The following LARGE1 variants were observed in gnomAD, a reference collection of about 807,000 sequenced individuals.
LARGE1 encodes the protein LARGE xylosyl- and glucuronyltransferase 1.
Under a neutral mutation model 87.6 loss-of-function variants are expected in LARGE1, and 43 were observed. The observed-to-expected ratio is 0.49, with a 90% CI of 0.38 to 0.63. The LOEUF is 0.63. Ranked by LOEUF, LARGE1 falls within the 30% of genes least tolerant of loss-of-function variation. The pLI is 0.00. For missense variants in LARGE1, 802 were observed against 1,000.2 expected (o/e 0.80, Z 2.67); for synonymous variants, 434 against 394.6 (o/e 1.10, Z -1.18).
intron 11 of LARGE1, among the ~76,000 whole-genome samples, chr22:33,248,487 C>G (rs1024922325): frequency 6.6e-6 from 1 of 152,176 alleles, no homozygotes; most frequent in Admixed American, 6.5e-5. Flanking sequence ...TGAGCCAACA[C>G]GTGAGCCACG....
chr22:33,428,142 T>C (rs555246543), intron 7 of LARGE1, among the ~76,000 whole-genome samples: 1 of 152,254 alleles, frequency 6.6e-6, no homozygotes, highest in African/African-American at 2.4e-5. Context: ...GTCAATCACA[T>C]AACCTCCTTT....
intron 6 of LARGE1, among the ~76,000 whole-genome samples, chr22:33,457,454 G>A (rs1309553731): frequency 6.6e-6 from 1 of 151,646 alleles, no homozygotes; most frequent in Non-Finnish European, 1.5e-5. Flanking sequence ...ACCAAGCCCG[G>A]CCTAATTTGT....
intron 1 of LARGE1, among the ~76,000 whole-genome samples, chr22:33,818,454 AAAG>A (rs2086722146): frequency 6.6e-6 from 1 of 152,174 alleles, no homozygotes; most frequent in South Asian, 2.1e-4. Flanking sequence ...AAGAGGGAGA[AAAG>A]AGGAGGGGAG....
intron 5 of LARGE1, among the ~76,000 whole-genome samples, chr22:33,588,196 G>A (rs567064914): frequency 1.4e-4 from 22 of 152,308 alleles, no homozygotes; most frequent in Middle Eastern, 3.4e-3. Flanking sequence ...GTCCATCCAC[G>A]TAGGCTCCAC....
intron 10 of LARGE1, among the ~76,000 whole-genome samples, chr22:33,332,794 G>A (rs1937903191): frequency 6.6e-6 from 1 of 152,092 alleles, no homozygotes; most frequent in African/African-American, 2.4e-5. Context: ...CTCTCTCTTT[G>A]CCCCAGCTCC....
At chr22:33,378,402 C>T (rs149744738) in intron 9 of LARGE1, among the ~76,000 whole-genome samples, 241 of 152,222 alleles carry the variant, frequency 1.6e-3, no homozygotes, top group Non-Finnish European at 2.2e-3. Context: ...ACTGTTTATC[C>T]GCTGAGGATA....
At chr22:33,402,300 A>G (rs545232807) in intron 7 of LARGE1, among the ~76,000 whole-genome samples, 26 of 152,336 alleles carry the variant, frequency 1.7e-4, no homozygotes, top group African/African-American at 5.8e-4. Context: ...TCTTCATTTT[A>G]TAGATGAGGA....
At chr22:33,075,101 C>T in the LARGE1 span, among the ~76,000 whole-genome samples, 1 of 152,188 alleles carries the variant, frequency 6.6e-6, no homozygotes, top group Non-Finnish European at 1.5e-5. Context: ...CATTATGCAA[C>T]ACCTGCTTCT....
At chr22:33,253,819 C>A (rs957585133) in intron 11 of LARGE1, among the ~76,000 whole-genome samples, 11 of 151,988 alleles carry the variant, frequency 7.2e-5, no homozygotes, top group Non-Finnish European at 1.0e-4. Context: ...GCCTGGCTGG[C>A]ATACTTTGCC....
chr22:33,101,758 G>C, the LARGE1 span, among the ~76,000 whole-genome samples: 2 of 152,124 alleles, frequency 1.3e-5, no homozygotes, highest in African/African-American at 4.8e-5. Context: ...TAACCAGGCA[G>C]ATAAGGTACC....
chr22:33,885,666 C>T (rs1264377782), intron 1 of LARGE1, among the ~76,000 whole-genome samples: 2 of 152,146 alleles, frequency 1.3e-5, no homozygotes, highest in Non-Finnish European at 2.9e-5. Context: ...AGCTACCCTC[C>T]GGGAGATGAA....
chr22:33,306,416 GGAA>G (rs1934938175), intron 11 of LARGE1, among the ~76,000 whole-genome samples: 1 of 152,156 alleles, frequency 6.6e-6, no homozygotes, highest in African/African-American at 2.4e-5. Flanking sequence ...GGAAGTGGGC[GGAA>G]GGAGGGAGGT....
intron 2 of LARGE1, among the ~76,000 whole-genome samples, chr22:33,656,092 C>G (rs1393854810): frequency 3.3e-5 from 5 of 151,516 alleles, no homozygotes; most frequent in Non-Finnish European, 5.9e-5. Flanking sequence ...TGTACACACA[C>G]AAATATTACT....
chr22:33,108,014 G>A, the LARGE1 span, among the ~76,000 whole-genome samples: 91 of 152,094 alleles, frequency 6.0e-4, 1 homozygote, highest in East Asian at 9.8e-3. Flanking sequence ...AAAACAAATG[G>A]AAGACTGAAT....
chr22:33,408,704 T>C (rs944833797), intron 7 of LARGE1, among the ~76,000 whole-genome samples: 17 of 151,946 alleles, frequency 1.1e-4, no homozygotes, highest in Non-Finnish European at 2.9e-5. Context: ...TCTTTTTTTT[T>C]TTTTTTCTTT....
intron 6 of LARGE1, among the ~76,000 whole-genome samples, chr22:33,467,469 A>T (rs1388197354): frequency 6.6e-6 from 1 of 152,260 alleles, no homozygotes; most frequent in Non-Finnish European, 1.5e-5. Context: ...ACTTTCCTCA[A>T]AACGACTCAG....
intron 3 of LARGE1, among the ~76,000 whole-genome samples, chr22:33,642,710 C>CAAAAAAAAAAAA (rs60815644): frequency 1.7e-4 from 3 of 17,352 alleles, no homozygotes; most frequent in African/African-American, 2.6e-4. Flanking sequence ...AAATGGAAAG[C>CAAAAAAAAAAAA]AAAAAAAAAA....
At chr22:33,461,406 A>G (rs1273667414) in intron 6 of LARGE1, among the ~76,000 whole-genome samples, 2 of 152,168 alleles carry the variant, frequency 1.3e-5, no homozygotes, top group African/African-American at 4.8e-5. Flanking sequence ...TTTCTAATAA[A>G]TAGAATGGGA....
At chr22:33,668,651 G>A (rs908562474) in intron 2 of LARGE1, among the ~76,000 whole-genome samples, 1 of 152,152 alleles carries the variant, frequency 6.6e-6, no homozygotes, top group African/African-American at 2.4e-5. Flanking sequence ...CATGTCCATT[G>A]ATGCAGGTAC....
Sources: gnomAD v4.1 joint callset for allele counts (sites outside exome capture counted in the v4.1 genomes callset) on GRCh38, gnomAD v4.1.1 for gene constraint, MANE v1.5 for transcripts, NCBI Gene and HGNC (gene_info 2026-07-23, HGNC 2026-07-21) for gene names.